The following CD4 variants were observed in gnomAD, a reference collection of about 807,000 sequenced individuals.
CD4 encodes the protein T-cell surface glycoprotein CD4.
A neutral mutation model predicts 50.5 loss-of-function variants in CD4; 25 were observed. The observed-to-expected ratio is 0.49, with a 90% CI of 0.36 to 0.69. The LOEUF (loss-of-function observed/expected upper bound fraction) is 0.69, where lower values mean the gene tolerates loss of function less well. Among genes scored for constraint, CD4 ranks in the 30% least tolerant of loss-of-function variants. The probability of loss-of-function intolerance (pLI) is 0.00; values close to 1 mark genes in which losing one functional copy is unlikely to be tolerated. For synonymous variants in CD4, 207 were observed against 221.9 expected (o/e 0.93, Z 0.60); for missense variants, 456 against 548.5 (o/e 0.83, Z 1.68).
intron 1 of CD4, chr12:6,799,295 C>A (rs1325849896): frequency 1.3e-5 from 2 of 152,086 alleles, no homozygotes; most frequent in African/African-American, 4.8e-5. Flanking sequence ...ATGGCCTTTT[C>A]TATGTGTTTT....
chr12:6,800,900 A>T (rs1194299529), intron 3 of CD4, among the ~76,000 whole-genome samples: 3 of 149,598 alleles, frequency 2.0e-5, no homozygotes, highest in Non-Finnish European at 2.9e-5. Context: ...CTCTATGAAA[A>T]AAAATATATA....
chr12:6,805,893 G>C (rs2066177463), intron 3 of CD4, among the ~76,000 whole-genome samples: 1 of 151,922 alleles, frequency 6.6e-6, no homozygotes, highest in South Asian at 2.1e-4. Flanking sequence ...AGTGAGCTAT[G>C]ATTGTGTCAC....
chr12:6,801,848 C>A (rs1942569770), intron 3 of CD4, among the ~76,000 whole-genome samples: 1 of 150,304 alleles, frequency 6.7e-6, no homozygotes, highest in Non-Finnish European at 1.5e-5. Context: ...GCGTGAGTCA[C>A]TGTGCCCGGC....
intron 3 of CD4, among the ~76,000 whole-genome samples, chr12:6,802,684 T>G (rs376509165): frequency 1.4e-3 from 213 of 152,304 alleles, no homozygotes; most frequent in African/African-American, 4.3e-3. Flanking sequence ...TGTATATACC[T>G]TTTTTCCTAC....
At chr12:6,810,156 C>T (rs1942895501) in intron 3 of CD4, among the ~76,000 whole-genome samples, 1 of 146,080 alleles carries the variant, frequency 6.8e-6, no homozygotes, top group African/African-American at 2.6e-5. Context: ...TCCCAGAGTG[C>T]TGGGATTACA....
At chr12:6,795,098 C>CTCTA (rs10667545) in intron 1 of CD4, among the ~76,000 whole-genome samples, 59,231 of 146,874 alleles carry the variant, frequency 0.4, 11,882 homozygotes, top group East Asian at 0.46. Context: ...AAATGTCTGT[C>CTCTA]TCTATCTATC....
chr12:6,806,737 T>C (rs1942773064), intron 3 of CD4, among the ~76,000 whole-genome samples: 1 of 152,150 alleles, frequency 6.6e-6, no homozygotes, highest in African/African-American at 2.4e-5. Context: ...ACTAAACCTA[T>C]CAGAATGGCT....
intron 3 of CD4, 143 bp downstream of exon 3, chr12:6,800,614 T>C: frequency 1.6e-6 from 1 of 641,790 alleles, no homozygotes; most frequent in Non-Finnish European, 2.6e-6. Context: ...TTATCCAGAG[T>C]TTCTCTACAC....
chr12:6,797,979 TG>T (rs1942421746), intron 1 of CD4, among the ~76,000 whole-genome samples: 1 of 151,970 alleles, frequency 6.6e-6, no homozygotes, highest in Admixed American at 6.6e-5. Flanking sequence ...GGTGTCGGGC[TG>T]GGGGGCTGTA....
At chr12:6,814,619 G>A (rs1277685272) in intron 4 of CD4, 140 bp from the exon 5 acceptor site, 2 of 768,720 alleles carry the variant, frequency 2.6e-6, no homozygotes, top group Non-Finnish European at 4.6e-6. Context: ...ACCCTATCTT[G>A]GCTGGGGGTG....
chr12:6,792,575 G>A lies in CD4; in HGVS notation c.-68+2913G>A, dbSNP rs1942192068. Among the ~76,000 whole-genome samples the A allele has an allele frequency of 6.6e-6, 1 of 152,072 alleles. No homozygotes were observed. Among genetic ancestry groups the A allele is most frequent in the South Asian group, 2.1e-4 (1 of 4,834 alleles). ...CTCCCTTGAGGCTCTGTGCATTCTG[G>A]GGAACTCTGTCCATTTCCCTTTGTC... On this transcript the variant is annotated intron_variant, in intron 1 of 9. Coordinates refer to ENST00000011653, the MANE Select transcript of CD4 (RefSeq NM_000616.5). The surrounding 1 kb of genome is among the most constrained non-coding windows in gnomAD (Gnocchi z 4.1).
At chr12:6,812,266 G>A (rs1392103782) in intron 3 of CD4, among the ~76,000 whole-genome samples, 1 of 152,178 alleles carries the variant, frequency 6.6e-6, no homozygotes, top group Non-Finnish European at 1.5e-5. Flanking sequence ...AGATGTGGTG[G>A]TGTACACCTG....
chr12:6,796,097 T>A (rs1009370385), intron 1 of CD4, among the ~76,000 whole-genome samples: 1 of 152,210 alleles, frequency 6.6e-6, no homozygotes, highest in Non-Finnish European at 1.5e-5. Flanking sequence ...TCCATACAAT[T>A]CAATTTGGCT....
intron 3 of CD4, among the ~76,000 whole-genome samples, chr12:6,803,620 T>A (rs1942629849): frequency 1.3e-5 from 2 of 149,086 alleles, no homozygotes; most frequent in Non-Finnish European, 3.0e-5. Flanking sequence ...CCGTCTCTAC[T>A]AAAAATACCA....
chr12:6,813,176 G>A (rs782742102), intron 3 of CD4, among the ~76,000 whole-genome samples: 1 of 151,604 alleles, frequency 6.6e-6, no homozygotes, highest in Admixed American at 6.6e-5. Context: ...CTGGGCTCAA[G>A]TGATTCTCCC....
chr12:6,814,665 C>G, intron 4 of CD4, 94 bp from the exon 5 acceptor site: 1 of 954,772 alleles, frequency 1.0e-6, no homozygotes, highest in Non-Finnish European at 1.7e-6. Context: ...GATGTTGGGA[C>G]GGCGATAATG....
rs200100485 is a variant in CD4, at chr12:6,816,190, T to G, written c.742T>G (p.Ser248Ala). The change falls in exon 6 of 10, where the codon TCC becomes GCC. Residue 248 changes from serine (S) to alanine (A), a missense_variant. Physicochemically the swap from Ser to Ala is moderately conservative, Grantham distance 99. Coordinates refer to ENST00000011653, the MANE Select transcript of CD4 (RefSeq NM_000616.5). The surrounding 1 kb of genome is among the most constrained non-coding windows in gnomAD (Gnocchi z 4.9). Reference protein sequence around the residue: ...LWWQAERASSSKSWITFDLKN... With the variant: ...LWWQAERASSAKSWITFDLKN... Reference sequence around the variant, plus strand: ...GTGGCAGGCGGAGAGGGCTTCCTCCTCCAAGTCTTGGATCACCTTTGACCT... The same window carrying G: ...GTGGCAGGCGGAGAGGGCTTCCTCCGCCAAGTCTTGGATCACCTTTGACCT... 1 of 1,614,134 alleles carries G rather than the reference T, an allele frequency of 6.2e-7. No individual in the cohort carries two copies. Among genetic ancestry groups the G allele is most frequent in the Non-Finnish European group, 8.5e-7 (1 of 1,180,002 alleles).
chr12:6,796,499 A>C (rs961094233), intron 1 of CD4, among the ~76,000 whole-genome samples: 1 of 152,180 alleles, frequency 6.6e-6, no homozygotes, highest in African/African-American at 2.4e-5. Flanking sequence ...CTGGATTCAA[A>C]GACACTTGAG....
intron 3 of CD4, among the ~76,000 whole-genome samples, chr12:6,801,887 T>C (rs1402443977): frequency 6.6e-6 from 1 of 150,484 alleles, no homozygotes; most frequent in African/African-American, 2.5e-5. Flanking sequence ...ACTTTTTTTT[T>C]TTTGAGGCAA....
Sources: gnomAD v4.1 joint callset for allele counts (sites outside exome capture counted in the v4.1 genomes callset) on GRCh38, gnomAD v4.1.1 for gene constraint, Gnocchi (gnomAD v3.1) non-coding constraint, MANE v1.5 for transcripts, NCBI Gene and HGNC (gene_info 2026-07-23, HGNC 2026-07-21) for gene names.